DPP4: variants seen among roughly 807,000 people sequenced by gnomAD.
DPP4 encodes the protein dipeptidyl peptidase 4.
DPP4 carries 93 observed loss-of-function variants against 122.4 expected under a neutral mutation model. The observed-to-expected ratio is 0.76, with a 90% CI of 0.64 to 0.90. The LOEUF (loss-of-function observed/expected upper bound fraction) is 0.90, where lower values mean the gene tolerates loss of function less well. Among genes scored for constraint, DPP4 ranks in the 40% least tolerant of loss-of-function variants. The pLI is 0.00. For synonymous variants in DPP4, 321 were observed against 302.9 expected, an observed-to-expected ratio of 1.06 and a Z score of -0.62; for missense variants, 914 against 907.3, an observed-to-expected ratio of 1.01 and a Z score of -0.09.
chr2:162,017,794 G>C (rs1378747769), intron 16 of DPP4, among the ~76,000 whole-genome samples: 1 of 152,162 alleles, frequency 6.6e-6, no homozygotes, highest in Non-Finnish European at 1.5e-5. Flanking sequence ...TTATGTGTTT[G>C]GATGATAATA....
intron 13 of DPP4, 125 bp downstream of exon 13, chr2:162,020,456 G>A (rs1230235252): frequency 1.0e-6 from 1 of 966,934 alleles, no homozygotes; most frequent in African/African-American, 1.7e-5. Context: ...ATACACCACT[G>A]AGGAGTTTAA....
In DPP4 at chr2:162,009,240, C is replaced by T; in HGVS notation, c.1887+1G>A. 6.2e-7 allele frequency: 1 copy of T among 1,613,728 alleles called. No homozygotes were observed. The highest frequency in any genetic ancestry group is 8.5e-7 in the Non-Finnish European group (1 of 1,179,744). ...TACAGATTCATCAGTCAACTACTCA[C>T]CCAGCCCCAAATTGCAATTCGTTTG... On this transcript the variant is annotated splice_donor_variant, in intron 21 of 25. Transcript: ENST00000360534. LOFTEE classifies it high-confidence loss of function.
At chr2:162,025,416 A>G (rs971232573) in intron 10 of DPP4, among the ~76,000 whole-genome samples, 2 of 152,096 alleles carry the variant, frequency 1.3e-5, no homozygotes, top group Non-Finnish European at 2.9e-5. Context: ...TCTCAACTTC[A>G]TTTTCAAAGG....
At chr2:162,011,381 C>T (rs893645779) in intron 20 of DPP4, among the ~76,000 whole-genome samples, 4 of 152,080 alleles carry the variant, frequency 2.6e-5, no homozygotes, top group African/African-American at 7.2e-5. Context: ...CTGCCTATGA[C>T]GTAAATGTAC....
chr2:162,037,680 T>A (rs1683826309), intron 8 of DPP4, among the ~76,000 whole-genome samples: 1 of 152,162 alleles, frequency 6.6e-6, no homozygotes, highest in Admixed American at 6.6e-5. Context: ...TAATATTTTC[T>A]AAGTTTCTAA....
At position 162,018,751 on chromosome 2, in the gene DPP4, C is replaced by G; in HGVS notation, c.1398G>C (p.Lys466Asn). ...TACCGGAACATCTCAGCTGATAATA[C>G]TTCGCCTCTTTACTGAATGACACAG... ...YYSVSFSKEA[K>N]YYQLRCSGPG... is the part of the protein sequence containing the mutation. The change falls in exon 16 of 26, where the codon AAG (lysine) becomes AAC (asparagine). Residue 466 changes from lysine to asparagine, a missense_variant. Physicochemically the swap from Lys to Asn is moderately conservative, Grantham distance 94. Transcript: ENST00000360534. 1 of 1,614,082 alleles carries G rather than the reference C, an allele frequency of 6.2e-7. No homozygotes were observed. The highest frequency in any genetic ancestry group is 8.5e-7 in the Non-Finnish European group (1 of 1,180,018).
At chr2:162,073,931 G>T (rs201857620) in intron 1 of DPP4, 45 bp downstream of exon 1, 5 of 1,609,858 alleles carry the variant, frequency 3.1e-6, no homozygotes, top group Non-Finnish European at 4.2e-6. Context: ...TTGGCGAAGA[G>T]GTCCCCACAG....
chr2:162,058,016 G>A (rs1224277753), intron 2 of DPP4, among the ~76,000 whole-genome samples: 1 of 152,092 alleles, frequency 6.6e-6, no homozygotes, highest in Non-Finnish European at 1.5e-5. Flanking sequence ...CAGATGATCT[G>A]CCTGTCCCGG....
chr2:162,050,976 T>C (rs748467147), intron 2 of DPP4, among the ~76,000 whole-genome samples: 3 of 152,208 alleles, frequency 2.0e-5, no homozygotes, highest in East Asian at 3.8e-4. Context: ...ACTTATCAGT[T>C]CAAAGCATTG....
At chr2:162,073,311 G>A in intron 2 of DPP4, 88 bp downstream of exon 2, 1 of 1,387,136 alleles carries the variant, frequency 7.2e-7, no homozygotes. Flanking sequence ...CCAACCCCAC[G>A]CAAAATCCCT....
At chr2:161,995,991 A>G (rs1368368698) in intron 23 of DPP4, among the ~76,000 whole-genome samples, 2 of 152,158 alleles carry the variant, frequency 1.3e-5, no homozygotes, top group Non-Finnish European at 2.9e-5. Context: ...TTAGAAAATC[A>G]GTGGGTTGCT....
Position 162,040,552 on chromosome 2 carries a change from G to T in DPP4, c.367-1368C>A, listed in dbSNP as rs1197454182. 2.6e-5 allele frequency among the ~76,000 whole-genome samples: 4 copies of T among 151,868 alleles called. No homozygotes were observed. The East Asian group carries it at 5.8e-4, about 22-fold the overall frequency. On this transcript the variant is annotated intron_variant, in intron 5 of 25. Coordinates refer to ENST00000360534, the MANE Select transcript of DPP4 (RefSeq NM_001935.4). ...AGAGATTGGTGGTTGCTTGGAGACT[G>T]GGGGAAGGAAGGGATGAATGGGGGA...
chr2:162,009,207 C>T (rs200229680), intron 21 of DPP4, 34 bp downstream of exon 21: 111 of 1,603,412 alleles, frequency 6.9e-5, no homozygotes, highest in Non-Finnish European at 9.0e-5. Context: ...TATTCACTAA[C>T]GAATGCATAC....
chr2:162,050,745 C>T (rs747815664), intron 2 of DPP4, among the ~76,000 whole-genome samples: 7 of 152,196 alleles, frequency 4.6e-5, no homozygotes, highest in African/African-American at 1.2e-4. Context: ...TCTAGATAAG[C>T]GAGTTCTGTG....
intron 2 of DPP4, among the ~76,000 whole-genome samples, chr2:162,061,060 C>G (rs1191826253): frequency 7.4e-6 from 1 of 135,684 alleles, no homozygotes; most frequent in African/African-American, 2.7e-5. Flanking sequence ...TTACTTGAAA[C>G]AGGGTCTCAC....
At position 162,065,375 on chromosome 2, in the gene DPP4, C is replaced by A. The variant is rs551741664; in HGVS notation, c.94+8024G>T. Among the ~76,000 whole-genome samples the A allele has an allele frequency of 1.1e-4, 16 of 152,228 alleles. No homozygotes were observed. In the East Asian group the frequency reaches 2.9e-3, roughly 28 times the overall value. ...AACCATGAGATGACATACTGGAGAT[C>A]AAAAGACAAAACTCCAAGGATGGCA... On this transcript the variant is annotated intron_variant, in intron 2 of 25. Coordinates refer to ENST00000360534, the MANE Select transcript of DPP4 (RefSeq NM_001935.4).
chr2:161,995,504 A>C, intron 23 of DPP4, 132 bp from the exon 24 acceptor site: 1 of 731,354 alleles, frequency 1.4e-6, no homozygotes, highest in South Asian at 1.6e-5. Flanking sequence ...ACCGATATTC[A>C]AGCAAATGCT....
At chr2:162,027,556 C>A (rs1051150529) in intron 10 of DPP4, among the ~76,000 whole-genome samples, 1 of 152,078 alleles carries the variant, frequency 6.6e-6, no homozygotes, top group Admixed American at 6.5e-5. Context: ...GACATACATA[C>A]AACATCTGAA....
At chr2:162,023,171 CT>C (rs796162530) in intron 11 of DPP4, among the ~76,000 whole-genome samples, 4 of 152,254 alleles carry the variant, frequency 2.6e-5, no homozygotes, top group African/African-American at 9.6e-5. Context: ...TCCTGCCCTC[CT>C]CATAATCACC....
Sources: allele counts gnomAD v4.1 joint callset (sites outside exome capture counted in the v4.1 genomes callset), GRCh38; gene constraint gnomAD v4.1.1; transcripts MANE v1.5; gene names NCBI Gene and HGNC (gene_info 2026-07-23, HGNC 2026-07-21).